The following ACVR1 variants were observed in gnomAD, a reference collection of about 807,000 sequenced individuals.
ACVR1 encodes activin A receptor type 1.
A neutral mutation model predicts 57.1 loss-of-function variants in ACVR1; 38 were observed. The ratio of observed to expected loss-of-function variants is 0.67; its 90% CI spans 0.51 to 0.87. The LOEUF (loss-of-function observed/expected upper bound fraction) is 0.87. Among genes scored for constraint, ACVR1 ranks in the 40% least tolerant of loss-of-function variants. The probability of loss-of-function intolerance (pLI) is 0.00; values close to 1 mark genes in which losing one functional copy is unlikely to be tolerated. For missense variants in ACVR1, 463 were observed against 638.2 expected, an observed-to-expected ratio of 0.73 and a Z score of 2.96; for synonymous variants, 212 against 228.1, an observed-to-expected ratio of 0.93 and a Z score of 0.63.
intron 8 of ACVR1, among the ~76,000 whole-genome samples, chr2:157,761,906 T>G (rs557819217): frequency 1.3e-5 from 2 of 152,338 alleles, no homozygotes; most frequent in South Asian, 4.1e-4. Context: ...GCAGTCCCTG[T>G]AAACCACTGC....
intron 3 of ACVR1, among the ~76,000 whole-genome samples, chr2:157,786,126 T>G (rs1686702963): frequency 6.6e-6 from 1 of 152,196 alleles, no homozygotes; most frequent in African/African-American, 2.4e-5. Flanking sequence ...CTGTGCAGAT[T>G]TCACCTTACA....
In ACVR1 at chr2:157,798,958, G is replaced by A. The variant is rs184439668; in HGVS notation, c.67+469C>T. On this transcript the variant is annotated intron_variant, in intron 3 of 10. Coordinates refer to ENST00000434821, the MANE Select transcript of ACVR1 (RefSeq NM_001111067.4). Reference sequence around the variant, plus strand: ...GTTGCCCGGGCTGGAGTTCAATGTCGTGATCTTGGCTCACTACAACCTCCG... The same window carrying A: ...GTTGCCCGGGCTGGAGTTCAATGTCATGATCTTGGCTCACTACAACCTCCG... 2.0e-4 allele frequency among the ~76,000 whole-genome samples: 30 copies of A among 151,590 alleles called. No individual in the cohort carries two copies. In the East Asian group the frequency reaches 5.4e-3, roughly 27 times the overall value.
At chr2:157,776,431 C>T (rs1686290000) in intron 5 of ACVR1, among the ~76,000 whole-genome samples, 1 of 151,858 alleles carries the variant, frequency 6.6e-6, no homozygotes, top group East Asian at 1.9e-4. Context: ...TTTAATTTTC[C>T]TTAAAGCTTG....
At chr2:157,770,764 T>G (rs1236923885) in intron 6 of ACVR1, among the ~76,000 whole-genome samples, 1 of 152,240 alleles carries the variant, frequency 6.6e-6, no homozygotes, top group Non-Finnish European at 1.5e-5. Context: ...GCCTTCTGTA[T>G]CTGCATTGTA....
At position 157,738,588 on chromosome 2, in the gene ACVR1, A is replaced by G. The variant is rs1218479367; in HGVS notation, c.1265-18T>C. The G allele has an allele frequency of 6.2e-7, 1 of 1,613,854 alleles. No homozygotes were observed. The highest frequency in any genetic ancestry group is 2.2e-5 in the East Asian group (1 of 44,878). On this transcript the variant is annotated intron_variant, in intron 9 of 10. Transcript: ENST00000434821. ...CACTATACCTGCACACAAGGACAAG[A>G]ATTGTGTTCGGTTAGCAAGAGAGTA...
chr2:157,871,851 T>C (rs1690124344), intron 1 of ACVR1, among the ~76,000 whole-genome samples: 1 of 152,066 alleles, frequency 6.6e-6, no homozygotes, highest in East Asian at 1.9e-4. Flanking sequence ...ATTTTGAGAG[T>C]GTGAGTTCAA....
At chr2:157,809,968 C>G (rs1196512131) in intron 2 of ACVR1, among the ~76,000 whole-genome samples, 1 of 151,970 alleles carries the variant, frequency 6.6e-6, no homozygotes, top group Non-Finnish European at 1.5e-5. Flanking sequence ...CCCAGCTGCT[C>G]TGGAGGCTGG....
intron 7 of ACVR1, 104 bp downstream of exon 7, chr2:157,770,264 T>C (rs1402151936): frequency 3.0e-6 from 4 of 1,322,722 alleles, no homozygotes; most frequent in Non-Finnish European, 4.3e-6. Context: ...ATATTGCTTT[T>C]TAGGAGACAC....
Position 157,738,572 on chromosome 2 carries a change from T to G in ACVR1, c.1265-2A>C. On this transcript the variant is annotated splice_acceptor_variant, in intron 9 of 10. Coordinates refer to ENST00000434821, the MANE Select transcript of ACVR1 (RefSeq NM_001111067.4). LOFTEE classifies it high-confidence loss of function. ...GTGGCTTGTAATCCTCCACTATACC[T>G]GCACACAAGGACAAGAATTGTGTTC... The G allele has an allele frequency of 6.2e-7, 1 of 1,614,038 alleles. No homozygotes were observed. The highest frequency in any genetic ancestry group is 1.3e-5 in the African/African-American group (1 of 75,032).
chr2:157,806,860 C>T (rs772014614), intron 2 of ACVR1: 1 of 152,228 alleles, frequency 6.6e-6, no homozygotes, highest in Non-Finnish European at 1.5e-5. Context: ...ATAGACTTCA[C>T]TGCTGCTGGA....
At chr2:157,866,314 G>A (rs1689932299) in intron 1 of ACVR1, among the ~76,000 whole-genome samples, 1 of 152,110 alleles carries the variant, frequency 6.6e-6, no homozygotes, top group African/African-American at 2.4e-5. Context: ...GGCTTAGAAT[G>A]TCCTAAAACA....
At chr2:157,792,661 T>C (rs1321216932) in intron 3 of ACVR1, among the ~76,000 whole-genome samples, 4 of 152,190 alleles carry the variant, frequency 2.6e-5, no homozygotes, top group Non-Finnish European at 5.9e-5. Flanking sequence ...CAAAATCAAC[T>C]CAGTAGTTTA....
At chr2:157,796,864 T>A (rs570401317) in intron 3 of ACVR1, among the ~76,000 whole-genome samples, 1 of 152,186 alleles carries the variant, frequency 6.6e-6, no homozygotes, top group African/African-American at 2.4e-5. Context: ...TCCTTCAACA[T>A]TGCCACTCAG....
chr2:157,842,855 G>A (rs1359743265), intron 1 of ACVR1, among the ~76,000 whole-genome samples: 2 of 152,078 alleles, frequency 1.3e-5, no homozygotes, highest in Admixed American at 6.6e-5. Flanking sequence ...CATCTACTAT[G>A]ATTTTTTTTC....
chr2:157,778,595 G>T (rs1686386541), intron 4 of ACVR1, among the ~76,000 whole-genome samples: 1 of 152,148 alleles, frequency 6.6e-6, no homozygotes, highest in African/African-American at 2.4e-5. Flanking sequence ...ATGTGAGAGT[G>T]CTTTTAAAAT....
At chr2:157,863,336 C>CTTTTTTT (rs1161335923) in intron 1 of ACVR1, among the ~76,000 whole-genome samples, 849 of 35,692 alleles carry the variant, frequency 0.024, 246 homozygotes, top group Non-Finnish European at 0.032. Context: ...AATTGTTTCT[C>CTTTTTTT]TTTTTTTTTT....
chr2:157,775,980 C>T (rs1447300672), intron 5 of ACVR1, among the ~76,000 whole-genome samples: 1 of 152,154 alleles, frequency 6.6e-6, no homozygotes, highest in African/African-American at 2.4e-5. Context: ...CCCTTGGGCT[C>T]CCAAAGTGCT....
At chr2:157,751,117 ACT>A in intron 9 of ACVR1, among the ~76,000 whole-genome samples, 1 of 152,306 alleles carries the variant, frequency 6.6e-6, no homozygotes, top group Admixed American at 6.5e-5. Flanking sequence ...CAGTCCAAAT[ACT>A]CTGAGTGCCC....
chr2:157,766,655 G>A (rs1685871441), intron 7 of ACVR1, among the ~76,000 whole-genome samples: 1 of 152,132 alleles, frequency 6.6e-6, no homozygotes, highest in African/African-American at 2.4e-5. Flanking sequence ...AGGCTCCTTA[G>A]CCTATATCTG....
Sources: gnomAD v4.1 joint callset for allele counts (sites outside exome capture counted in the v4.1 genomes callset) on GRCh38, gnomAD v4.1.1 for gene constraint, MANE v1.5 for transcripts, NCBI Gene and HGNC (gene_info 2026-07-23, HGNC 2026-07-21) for gene names.